Variants in BRD3 observed in about 807,000 individuals in gnomAD.
The protein encoded by BRD3 is bromodomain-containing protein 3.
Under a neutral mutation model 66.8 loss-of-function variants are expected in BRD3, and 17 were observed. That is an observed-to-expected ratio of 0.25 (90% CI 0.17 to 0.38). The LOEUF (loss-of-function observed/expected upper bound fraction) is 0.38. Ranked by LOEUF, BRD3 falls within the 10% of genes least tolerant of loss-of-function variation. The pLI, the probability that BRD3 is intolerant of heterozygous loss-of-function variation, is 1.00. For synonymous variants in BRD3, 421 were observed against 393.2 expected, an observed-to-expected ratio of 1.07 and a Z score of -0.84; for missense variants, 713 against 956.1, an observed-to-expected ratio of 0.75 and a Z score of 3.35.
intron 1 of BRD3, among the ~76,000 whole-genome samples, chr9:134,067,392 C>A (rs564517053): frequency 8.8e-6 from 1 of 114,188 alleles, no homozygotes; most frequent in South Asian, 2.8e-4. Context: ...GGTCCCCAGG[C>A]GCGGGCCCCA....
rs146830042 is a variant in BRD3, at chr9:134,049,552, C to T, written c.714+822G>A. On this transcript the variant is annotated intron_variant, in intron 5 of 11. Coordinates refer to ENST00000303407, the MANE Select transcript of BRD3 (RefSeq NM_007371.4). ...TAGGAGCGGGGACAGACTCGTCTGG[C>T]CGTGGCAAATGGGACATGCTCCAGA... 2.7e-3 allele frequency among the ~76,000 whole-genome samples: 408 copies of T among 152,356 alleles called. 2 individuals are homozygous for T. The highest frequency in any genetic ancestry group is 9.3e-3 in the African/African-American group (386 of 41,592).
intron 10 of BRD3, 75 bp downstream of exon 10, chr9:134,035,957 G>A (rs879211812): frequency 2.7e-5 from 41 of 1,530,342 alleles, no homozygotes; most frequent in African/African-American, 1.7e-4. Context: ...CACAGGGTCC[G>A]TGAGGAGTGA....
intron 3 of BRD3, among the ~76,000 whole-genome samples, chr9:134,051,986 G>A (rs1297473282): frequency 6.6e-6 from 1 of 151,128 alleles, no homozygotes; most frequent in African/African-American, 2.4e-5. Context: ...CACCTCCCGG[G>A]TTTAAGTGAT....
chr9:134,041,574 G>A (rs1030184642), intron 8 of BRD3, among the ~76,000 whole-genome samples, 186 bp downstream of exon 8: 1 of 152,244 alleles, frequency 6.6e-6, no homozygotes, highest in African/African-American at 2.4e-5. Context: ...CACGTGTGCT[G>A]TGGGTTAGGC....
chr9:134,034,735 C>A lies in BRD3; in HGVS notation c.2031G>T (p.Gly677=). The A allele has an allele frequency of 6.2e-7, 1 of 1,608,606 alleles. No individual in the cohort carries two copies. The change falls in exon 11 of 12, where the codon GGG becomes GGT. Residue 677 remains glycine, a synonymous_variant. Coordinates refer to ENST00000303407, the MANE Select transcript of BRD3 (RefSeq NM_007371.4). ...CGGGCTTCTTGCTGCTGCTCAGCTG[C>A]CCGCTGACATCCTGCAGACGCTTTT... ...ELEKRLQDVS[G]QLSSSKKPAR...
Position 134,040,281 on chromosome 9 carries a change from C to G in BRD3, c.1408-12G>C, listed in dbSNP as rs375803080. ...TGCACGGCCTTCAGCTGGAAAAGAG[C>G]GGGCGGCTGAGCAGGTGCTGGGCAC... On this transcript the variant is annotated splice_polypyrimidine_tract_variant and intron_variant, in intron 8 of 11. Coordinates refer to ENST00000303407, the MANE Select transcript of BRD3 (RefSeq NM_007371.4). 6.3e-7 allele frequency: 1 copy of G among 1,587,416 alleles called. No individual in the cohort carries two copies. The highest frequency in any genetic ancestry group is 8.6e-7 in the Non-Finnish European group (1 of 1,168,774).
chr9:134,057,691 G>T (rs1036438743), intron 1 of BRD3: 1 of 152,230 alleles, frequency 6.6e-6, no homozygotes, highest in African/African-American at 2.4e-5. Context: ...GCACAGCCCA[G>T]GATCAAGACC....
chr9:134,051,823 C>T lies in BRD3; in HGVS notation c.352-114G>A, dbSNP rs1034741045. On this transcript the variant is annotated intron_variant, in intron 3 of 11. Coordinates refer to ENST00000303407, the MANE Select transcript of BRD3 (RefSeq NM_007371.4). ...TAAAATTTGTTAACAGATTTGGCAG[C>T]GCAGGAGAGAACAAAATGAATATAT... The T allele has an allele frequency of 1.8e-5, 21 of 1,146,936 alleles. No individual in the cohort carries two copies. In the South Asian group the frequency reaches 1.9e-4, roughly 10 times the overall value. The allele number at this position is 1,146,936 out of a possible 1,614,324, so 71.0% of individuals were successfully genotyped here.
rs747088910 is a variant in BRD3 at position 134,040,028 on chromosome 9, G to T, written c.1643+6C>A. 1.3e-6 allele frequency: 2 copies of T among 1,583,864 alleles called. No homozygotes were observed. The highest frequency in any genetic ancestry group is 3.6e-5 in the Admixed American group (2 of 56,318). On this transcript the variant is annotated splice_donor_region_variant and intron_variant, in intron 9 of 11. Transcript: ENST00000303407. The stretch of plus-strand genomic sequence containing the variant: ...CTCTTGGAGCCCGAGCAGGTCTGGA[G>T]CCCACCTGCCGGCCGTGGTCGTGCT...
At chr9:134,053,018 C>CCT (rs1830336577) in intron 2 of BRD3, among the ~76,000 whole-genome samples, 1 of 152,242 alleles carries the variant, frequency 6.6e-6, no homozygotes, top group South Asian at 2.1e-4. Flanking sequence ...ACCACCCACT[C>CCT]GCTTTCCTCC....
intron 7 of BRD3, among the ~76,000 whole-genome samples, chr9:134,042,644 TATAC>T (rs149005398): frequency 0.12 from 15,485 of 128,760 alleles, 1,020 homozygotes; most frequent in African/African-American, 0.22. Context: ...CTCAAATATA[TATAC>T]ACACACACAC....
intron 1 of BRD3, among the ~76,000 whole-genome samples, chr9:134,055,367 AC>A (rs1395558244): frequency 3.3e-5 from 5 of 152,074 alleles, no homozygotes; most frequent in Non-Finnish European, 1.5e-5. Context: ...GAGTCCTGAG[AC>A]CTGTGTCCTG....
intron 5 of BRD3, among the ~76,000 whole-genome samples, chr9:134,049,117 G>A (rs1238972055): frequency 6.6e-6 from 1 of 152,114 alleles, no homozygotes; most frequent in Non-Finnish European, 1.5e-5. Flanking sequence ...GGAGAGGAGG[G>A]AGATGACCCA....
At chr9:134,044,766 G>A (rs1830134354) in intron 7 of BRD3, among the ~76,000 whole-genome samples, 1 of 152,160 alleles carries the variant, frequency 6.6e-6, no homozygotes, top group African/African-American at 2.4e-5. Flanking sequence ...TCCCTGCGCT[G>A]AGAGCTAGAC....
rs182581800 is a variant in BRD3, at chr9:134,066,054, C to T, written c.-114+1891G>A. Among the ~76,000 whole-genome samples, 9 of 152,164 alleles carry T rather than the reference C, an allele frequency of 5.9e-5. No individual in the cohort carries two copies. In the East Asian group the frequency reaches 1.7e-3, roughly 29 times the overall value. ...CTGTTGTCAAAGGAAAGTAATTACT[C>T]TACTTTCTAAAAACAAAACAAAAAT... On this transcript the variant is annotated intron_variant, in intron 1 of 11. Transcript: ENST00000303407.
At chr9:134,051,893 T>TG (rs1830314062) in intron 3 of BRD3, among the ~76,000 whole-genome samples, 184 bp from the exon 4 acceptor site, 2 of 108,450 alleles carry the variant, frequency 1.8e-5, no homozygotes, top group African/African-American at 1.0e-4. Context: ...TTTTTTGTTT[T>TG]TTTTTTTTTT....
chr9:134,064,475 A>AG (rs1830606683), intron 1 of BRD3, among the ~76,000 whole-genome samples: 1 of 152,162 alleles, frequency 6.6e-6, no homozygotes, highest in Admixed American at 6.5e-5. Context: ...CAGGAGGTGG[A>AG]GGTTGCAGTG....
intron 9 of BRD3, chr9:134,036,735 G>A (rs769868681): frequency 5.2e-5 from 42 of 803,254 alleles, no homozygotes; most frequent in South Asian, 7.9e-5. Context: ...AGGGCCGGGC[G>A]CGGTGGCTCA....
intron 3 of BRD3, among the ~76,000 whole-genome samples, 181 bp from the exon 4 acceptor site, chr9:134,051,890 T>TA (rs1564555926): frequency 1.4e-4 from 13 of 89,864 alleles, no homozygotes; most frequent in African/African-American, 8.2e-4. Context: ...GTTTTTTTTG[T>TA]TTTTTTTTTT....
Sources: allele counts gnomAD v4.1 joint callset (sites outside exome capture counted in the v4.1 genomes callset), GRCh38; gene constraint gnomAD v4.1.1; transcripts MANE v1.5; gene names NCBI Gene and HGNC (gene_info 2026-07-23, HGNC 2026-07-21).